Variants in BTBD1 observed in about 807,000 individuals in gnomAD.
BTBD1 encodes the protein BTB domain containing 1, also known as BTB/POZ domain-containing protein 1.
Under a neutral mutation model 48.0 loss-of-function variants are expected in BTBD1, and 34 were observed. That is an observed-to-expected ratio of 0.71 (90% CI 0.54 to 0.94). BTBD1 has a LOEUF of 0.94. Among genes scored for constraint, BTBD1 ranks in the 40% least tolerant of loss-of-function variants. The probability of loss-of-function intolerance (pLI) is 0.00; values close to 1 mark genes in which losing one functional copy is unlikely to be tolerated. For missense variants in BTBD1, 543 were observed against 625.6 expected, an observed-to-expected ratio of 0.87 and a Z score of 1.41; for synonymous variants, 261 against 242.1, an observed-to-expected ratio of 1.08 and a Z score of -0.72.
chr15:83,064,747 C>A (rs913641419), intron 1 of BTBD1, among the ~76,000 whole-genome samples: 4 of 152,062 alleles, frequency 2.6e-5, no homozygotes, highest in African/African-American at 9.7e-5. Flanking sequence ...ATAATGCAGA[C>A]GGCCCACAGA....
chr15:83,050,430 T>TTGTGTGTGTGTG lies in BTBD1; in HGVS notation c.559-264_559-253dup, dbSNP rs71927319. On this transcript the variant is annotated intron_variant, in intron 2 of 7. Coordinates refer to ENST00000261721, the MANE Select transcript of BTBD1 (RefSeq NM_025238.4). ...TACCAATCCTGTTATTTTTATGTGC[T>TTGTGTGTGTGTG]TGTGTGTGTGTGTGTGTGTGTGTGT... Among the ~76,000 whole-genome samples, 697 of 146,242 alleles carry TTGTGTGTGTGTG rather than the reference T, an allele frequency of 4.8e-3. 6 individuals carry two copies. The highest frequency in any genetic ancestry group is 0.034 in the Middle Eastern group (10 of 290).
chr15:83,049,948 T>C, intron 3 of BTBD1, 125 bp downstream of exon 3: 1 of 570,006 alleles, frequency 1.8e-6, no homozygotes, highest in Admixed American at 3.1e-5. Flanking sequence ...AAAGCAAAAC[T>C]CTTAGAGAGA....
Position 83,018,225 on chromosome 15 carries a change from C to A in BTBD1, c.1291G>T (p.Gly431Cys). ...VCYTACATLK[G>C]PDSHYGTKGL... ...TTTGTGCCATAGTGGGAATCTGGAC[C>A]CTAAATGAGAACAAAAGGTTCCTTA... The change falls in exon 8 of 8, where the codon GGT (glycine) becomes TGT (cysteine). Residue 431 changes from glycine to cysteine, a missense_variant and splice_region_variant. By Grantham distance (159) the Gly-to-Cys change is radical. This residue lies in a region of BTBD1 where 300 missense variants were observed against 350.0 expected (regional missense o/e 0.86). Transcript: ENST00000261721. 1 of 1,564,216 alleles carries A rather than the reference C, an allele frequency of 6.4e-7. No individual in the cohort carries two copies. The highest frequency in any genetic ancestry group is 1.2e-5 in the South Asian group (1 of 80,122).
intron 5 of BTBD1, among the ~76,000 whole-genome samples, chr15:83,025,185 C>T (rs1261446373): frequency 6.6e-6 from 1 of 151,750 alleles, no homozygotes; most frequent in African/African-American, 2.4e-5. Flanking sequence ...GAAACCCAGT[C>T]TCTATTAAAA....
chr15:83,044,410 G>T, intron 3 of BTBD1: 1 of 1,570,738 alleles, frequency 6.4e-7, no homozygotes, highest in East Asian at 2.3e-5. Flanking sequence ...GCGCCTGGTG[G>T]ACAGCAAACG....
At chr15:83,041,650 A>C in intron 4 of BTBD1, 78 bp downstream of exon 4, 5 of 1,340,200 alleles carry the variant, frequency 3.7e-6, no homozygotes, top group Non-Finnish European at 5.3e-6. Flanking sequence ...CTGGGATTAT[A>C]GGTGTGAGCC....
At chr15:83,039,362 T>TAA (rs200833820) in intron 4 of BTBD1, among the ~76,000 whole-genome samples, 1 of 151,596 alleles carries the variant, frequency 6.6e-6, no homozygotes, top group African/African-American at 2.4e-5. Flanking sequence ...CCTATTAAAA[T>TAA]AAAAAAAACA....
At chr15:83,064,503 C>T (rs977810085) in intron 1 of BTBD1, among the ~76,000 whole-genome samples, 12 of 152,102 alleles carry the variant, frequency 7.9e-5, no homozygotes, top group East Asian at 3.8e-4. Flanking sequence ...TTAGCAGCTT[C>T]GGTGAAAATA....
At chr15:83,049,238 G>A (rs1214628907) in intron 3 of BTBD1, among the ~76,000 whole-genome samples, 7 of 152,068 alleles carry the variant, frequency 4.6e-5, no homozygotes, top group African/African-American at 1.7e-4. Context: ...TTCAGACTGA[G>A]GCCATTTCGA....
intron 5 of BTBD1, among the ~76,000 whole-genome samples, chr15:83,026,354 C>T (rs11858162): frequency 0.19 from 29,108 of 151,904 alleles, 2,994 homozygotes; most frequent in Non-Finnish European, 0.22. Context: ...GCACTACTGG[C>T]AAGGAACTAG....
intron 2 of BTBD1, among the ~76,000 whole-genome samples, chr15:83,054,259 A>G (rs1369273966): frequency 6.6e-6 from 1 of 152,056 alleles, no homozygotes; most frequent in African/African-American, 2.4e-5. Flanking sequence ...AATCACTTGA[A>G]CCCAAGAGGT....
rs182383965 is a variant in BTBD1, at chr15:83,063,946, G to A, written c.401+2805C>T. ...CTTTACTAGATTATGTGCTTCATGA[G>A]GGCAAGGACTTTTTCTTGTTTATTG... is the stretch of plus-strand genomic sequence containing the variant. On this transcript the variant is annotated intron_variant, in intron 1 of 7. Coordinates refer to ENST00000261721, the MANE Select transcript of BTBD1 (RefSeq NM_025238.4). Among the ~76,000 whole-genome samples the A allele has an allele frequency of 4.6e-3, 694 of 152,230 alleles. 7 individuals carry two copies. The highest frequency in any genetic ancestry group is 0.015 in the African/African-American group (638 of 41,536).
chr15:83,052,292 C>G (rs2033002507), intron 2 of BTBD1, among the ~76,000 whole-genome samples: 1 of 152,112 alleles, frequency 6.6e-6, no homozygotes, highest in Non-Finnish European at 1.5e-5. Flanking sequence ...GTTGTGCAGG[C>G]TGGTCTCCAA....
rs566307428 is a variant in BTBD1, at chr15:83,054,526, G to A, written c.558+1863C>T. Among the ~76,000 whole-genome samples, 18 of 151,564 alleles carry A rather than the reference G, an allele frequency of 1.2e-4. No individual in the cohort carries two copies. In the South Asian group the frequency reaches 2.9e-3, roughly 25 times the overall value. On this transcript the variant is annotated intron_variant, in intron 2 of 7. Transcript: ENST00000261721. Reference sequence around the variant, plus strand: ...TCTTCTGTAACTACAAATACCTCATGAGAGAAGATGTTTTTAAAAGGTACC... The same window carrying A: ...TCTTCTGTAACTACAAATACCTCATAAGAGAAGATGTTTTTAAAAGGTACC...
intron 3 of BTBD1, among the ~76,000 whole-genome samples, chr15:83,047,599 AT>A (rs1290812676): frequency 5.1e-4 from 78 of 152,344 alleles, no homozygotes; most frequent in African/African-American, 1.8e-3. Flanking sequence ...TAGGTGCTAT[AT>A]CAGGGTCAAT....
At chr15:83,044,379 T>C (rs2151307967) in intron 3 of BTBD1, 2 of 1,541,500 alleles carry the variant, frequency 1.3e-6, no homozygotes, top group Middle Eastern at 2.3e-4. Flanking sequence ...TGGCCACAGT[T>C]CAGCAGCTGG....
chr15:83,031,109 T>C (rs1478215248), intron 4 of BTBD1, among the ~76,000 whole-genome samples: 3 of 152,230 alleles, frequency 2.0e-5, no homozygotes, highest in Non-Finnish European at 4.4e-5. Context: ...CCACACTATC[T>C]TCCACAATGG....
At chr15:83,025,671 G>A (rs928672473) in intron 5 of BTBD1, among the ~76,000 whole-genome samples, 4 of 151,968 alleles carry the variant, frequency 2.6e-5, no homozygotes, top group African/African-American at 9.7e-5. Flanking sequence ...TATTGTAATA[G>A]TAACATAATA....
intron 2 of BTBD1, among the ~76,000 whole-genome samples, chr15:83,051,488 ATTTT>A (rs1274707274): frequency 2.7e-5 from 4 of 149,408 alleles, no homozygotes; most frequent in African/African-American, 7.3e-5. Flanking sequence ...ATATATATAT[ATTTT>A]AAGTTTAAAA....
Sources: allele counts gnomAD v4.1 joint callset (sites outside exome capture counted in the v4.1 genomes callset), GRCh38; gene constraint gnomAD v4.1.1; regional missense constraint gnomAD v4.1.1; transcripts MANE v1.5; gene names NCBI Gene and HGNC (gene_info 2026-07-23, HGNC 2026-07-21).